Variants in PDK1 observed in about 807,000 individuals in gnomAD.
The protein encoded by PDK1 is pyruvate dehydrogenase kinase 1.
Under a neutral mutation model 54.2 loss-of-function variants are expected in PDK1, and 39 were observed. The observed-to-expected ratio is 0.72, with a 90% CI of 0.56 to 0.94. The LOEUF (loss-of-function observed/expected upper bound fraction) is 0.94, where lower values mean the gene tolerates loss of function less well. PDK1 is among the 40% of genes least tolerant of loss of function. The pLI, the probability that PDK1 is intolerant of heterozygous loss-of-function variation, is 0.00. For missense variants in PDK1, 552 were observed against 566.0 expected, an observed-to-expected ratio of 0.98 and a Z score of 0.25; for synonymous variants, 221 against 207.1, an observed-to-expected ratio of 1.07 and a Z score of -0.58.
chr2:172,621,744 T>C, the PDK1 span, among the ~76,000 whole-genome samples: 1 of 144,464 alleles, frequency 6.9e-6, no homozygotes, highest in South Asian at 2.1e-4. Flanking sequence ...ATATATGTCA[T>C]ATATGTTTAT....
chr2:172,633,429 T>C, the PDK1 span, among the ~76,000 whole-genome samples: 1 of 145,984 alleles, frequency 6.9e-6, no homozygotes, highest in East Asian at 2.1e-4. Flanking sequence ...ACACTTCCAA[T>C]TGATCAAAAT....
downstream of PDK1, among the ~76,000 whole-genome samples, chr2:172,609,656 G>C (rs1691401356): frequency 6.6e-6 from 1 of 152,172 alleles, no homozygotes; most frequent in South Asian, 2.1e-4. Context: ...GGACATGCGT[G>C]TTTCCTTAAG....
the PDK1 span, among the ~76,000 whole-genome samples, chr2:172,649,326 G>A: frequency 6.6e-6 from 1 of 152,146 alleles, no homozygotes; most frequent in Non-Finnish European, 1.5e-5. Flanking sequence ...AACCCCATCT[G>A]TACATCACCA....
rs182158168 is a variant in PDK1 at position 172,594,058 on chromosome 2, C to T, written c.1170+1010C>T. ...TTTTCTTTTTTTTTTTTTTTTGAGACGGAGTCTTGCTCTGTGTCACGTAAG... is the reference window on the plus strand; with the variant it reads ...TTTTCTTTTTTTTTTTTTTTTGAGATGGAGTCTTGCTCTGTGTCACGTAAG... On this transcript the variant is annotated intron_variant, in intron 10 of 10. Coordinates refer to ENST00000282077, the MANE Select transcript of PDK1 (RefSeq NM_002610.5). Among the ~76,000 whole-genome samples, 12 of 137,976 alleles carry T rather than the reference C, an allele frequency of 8.7e-5. No homozygotes were observed. In the East Asian group the frequency reaches 1.8e-3, roughly 21 times the overall value. The allele number at this position is 137,976 out of a possible 152,430, so 90.5% of individuals were successfully genotyped here.
rs1690967218 is a variant in PDK1 at position 172,597,760 on chromosome 2, T to C, written c.*1791T>C. 6.6e-6 allele frequency: 1 copy of C among 152,196 alleles called. No individual in the cohort carries two copies. Among genetic ancestry groups the C allele is most frequent in the Non-Finnish European group, 1.5e-5 (1 of 68,042 alleles). 9.4% of individuals were successfully genotyped at this position (152,196 alleles called of 1,614,324 possible). Reference sequence around the variant, plus strand: ...TCTTCTAAGGTGGCAGGAAATAATATTGGAAATAACATTTTAAAGTAAAAA... The same window carrying C: ...TCTTCTAAGGTGGCAGGAAATAATACTGGAAATAACATTTTAAAGTAAAAA... On this transcript the variant is annotated 3_prime_UTR_variant, in exon 11 of 11. Transcript: ENST00000282077.
the PDK1 span, among the ~76,000 whole-genome samples, chr2:172,668,906 T>TATATAC: frequency 3.2e-4 from 42 of 130,638 alleles, no homozygotes; most frequent in East Asian, 5.5e-3. Context: ...TATATATATA[T>TATATAC]AGAGAGAGAG....
At chr2:172,589,695 C>T (rs1160985531) in intron 9 of PDK1, among the ~76,000 whole-genome samples, 1 of 152,162 alleles carries the variant, frequency 6.6e-6, no homozygotes, top group African/African-American at 2.4e-5. Flanking sequence ...TTAGGTAAAG[C>T]TGGAGCCTGG....
the PDK1 span, among the ~76,000 whole-genome samples, chr2:172,632,980 C>CAAAAAAAAGAA: frequency 1.3e-5 from 1 of 75,468 alleles, no homozygotes; most frequent in African/African-American, 5.3e-5. Context: ...GATTCTGTCT[C>CAAAAAAAAGAA]AAAAAAAAAA....
At position 172,607,518 on chromosome 2, in the gene PDK1, A is replaced by C. The variant is rs1333504954; in HGVS notation, c.*11549A>C. ...ATAAGACTTGCTGTTACCCTGAGAC[A>C]AGCCAACTGTCATTGCTTTAGCAAC... On this transcript the variant is annotated 3_prime_UTR_variant, in exon 11 of 11. Transcript: ENST00000282077. 5.9e-5 allele frequency: 9 copies of C among 152,200 alleles called. No homozygotes were observed. Among genetic ancestry groups the C allele is most frequent in the African/African-American group, 2.2e-4 (9 of 41,454 alleles). The allele number at this position is 152,200 out of a possible 1,614,324, so 9.4% of individuals were successfully genotyped here.
At chr2:172,589,389 G>C (rs1177182186) in intron 9 of PDK1, among the ~76,000 whole-genome samples, 1 of 152,194 alleles carries the variant, frequency 6.6e-6, no homozygotes, top group Non-Finnish European at 1.5e-5. Context: ...GAGGGATGAG[G>C]AGAAGGCAAA....
At chr2:172,566,822 A>T in intron 5 of PDK1, 34 bp from the exon 6 acceptor site, 1 of 1,408,784 alleles carries the variant, frequency 7.1e-7, no homozygotes, top group Non-Finnish European at 1.0e-6. Context: ...TATATTTATT[A>T]AATCCTTTTT....
At chr2:172,642,635 A>G in the PDK1 span, among the ~76,000 whole-genome samples, 2 of 152,194 alleles carry the variant, frequency 1.3e-5, no homozygotes, top group African/African-American at 4.8e-5. Flanking sequence ...CGAGAGAATG[A>G]GCTGGGCCTA....
the PDK1 span, among the ~76,000 whole-genome samples, chr2:172,687,876 A>C: frequency 2.0e-5 from 3 of 152,174 alleles, no homozygotes; most frequent in African/African-American, 7.2e-5. Context: ...CTGCCCACTG[A>C]ACACAAAGAC....
the PDK1 span, among the ~76,000 whole-genome samples, chr2:172,682,870 TAAAGAGGCTGGAC>T: frequency 6.6e-6 from 1 of 151,638 alleles, no homozygotes; most frequent in African/African-American, 2.4e-5. Context: ...TAACACAAAA[TAAAGAGGCTGGAC>T]CATGAATATA....
At chr2:172,615,386 G>T in the PDK1 span, among the ~76,000 whole-genome samples, 4 of 152,338 alleles carry the variant, frequency 2.6e-5, no homozygotes, top group South Asian at 6.2e-4. Flanking sequence ...CACTTTGGGA[G>T]GCCGAGGCGG....
the PDK1 span, among the ~76,000 whole-genome samples, chr2:172,616,449 A>T: frequency 2.0e-5 from 3 of 152,356 alleles, no homozygotes; most frequent in African/African-American, 7.2e-5. Flanking sequence ...AGAGACTGAT[A>T]CTGTATGATA....
At chr2:172,645,671 G>A in the PDK1 span, among the ~76,000 whole-genome samples, 2 of 152,112 alleles carry the variant, frequency 1.3e-5, no homozygotes, top group African/African-American at 2.4e-5. Flanking sequence ...AGAGAAAAAC[G>A]ACTTAGACTG....
At chr2:172,615,390 G>A in the PDK1 span, among the ~76,000 whole-genome samples, 1 of 152,184 alleles carries the variant, frequency 6.6e-6, no homozygotes, top group Non-Finnish European at 1.5e-5. Context: ...TTGGGAGGCC[G>A]AGGCGGATGG....
chr2:172,587,706 C>T (rs527374386), intron 9 of PDK1, among the ~76,000 whole-genome samples: 56 of 149,788 alleles, frequency 3.7e-4, no homozygotes, highest in African/African-American at 1.4e-3. Context: ...CCACCCACAT[C>T]CTGCTGATTG....
Sources: gnomAD v4.1 joint callset for allele counts (sites outside exome capture counted in the v4.1 genomes callset) on GRCh38, gnomAD v4.1.1 for gene constraint, MANE v1.5 for transcripts, NCBI Gene and HGNC (gene_info 2026-07-23, HGNC 2026-07-21) for gene names.